DISP1: variants seen among roughly 807,000 people sequenced by gnomAD.
DISP1 encodes the protein dispatched RND transporter family member 1.
A neutral mutation model predicts 37.3 loss-of-function variants in DISP1; 30 were observed. That is an observed-to-expected ratio of 0.80 (90% confidence interval 0.60 to 1.09). The LOEUF is 1.09. DISP1 is among the 50% of genes least tolerant of loss of function. The pLI, the probability that DISP1 is intolerant of heterozygous loss-of-function variation, is 0.00. For missense variants in DISP1, 1,598 were observed against 1,879.5 expected (o/e 0.85, Z 2.77); for synonymous variants, 634 against 690.2 (o/e 0.92, Z 1.28).
chr1:223,001,578 A>G (rs1679446903), intron 8 of DISP1, among the ~76,000 whole-genome samples: 1 of 152,214 alleles, frequency 6.6e-6, no homozygotes, highest in Non-Finnish European at 1.5e-5. Flanking sequence ...TGGGTAATTT[A>G]TAAACAACAA....
chr1:222,834,600 C>G (rs572445249), intron 1 of DISP1, among the ~76,000 whole-genome samples: 1 of 152,164 alleles, frequency 6.6e-6, no homozygotes, highest in Non-Finnish European at 1.5e-5. Flanking sequence ...CATGAAAATT[C>G]AGACTGCTTT....
chr1:222,925,700 C>T (rs1407518735), intron 1 of DISP1, among the ~76,000 whole-genome samples: 1 of 152,074 alleles, frequency 6.6e-6, no homozygotes. Flanking sequence ...CAGTGGTTCT[C>T]AAAATGTGGG....
intron 3 of DISP1, among the ~76,000 whole-genome samples, chr1:222,970,671 A>G (rs760426466): frequency 7.2e-5 from 11 of 152,214 alleles, no homozygotes; most frequent in Non-Finnish European, 1.0e-4. Flanking sequence ...CTTATTTTAC[A>G]GAGGAGACTG....
Position 223,002,971 on chromosome 1 carries a change from T to C in DISP1, c.1574T>C (p.Met525Thr), listed in dbSNP as rs775531279. The C allele has an allele frequency of 1.9e-6, 3 of 1,613,836 alleles. No individual in the cohort carries two copies. The highest frequency in any genetic ancestry group is 2.7e-5 in the African/African-American group (2 of 74,944). The change falls in exon 9 of 9, where the codon ATG (methionine) becomes ACG (threonine). Residue 525 changes from methionine (M) to threonine (T), a missense_variant. Met to Thr is a moderately conservative substitution (Grantham distance 81). Coordinates refer to ENST00000675850, the MANE Select transcript of DISP1 (RefSeq NM_001377229.1). ...LLVMCVYTKS[M>T]FITLMTMFAI... The stretch of plus-strand genomic sequence containing the variant: ...GTTATGTGTGTCTACACCAAGTCCA[T>C]GTTTATCACTCTGATGACAATGTTT...
chr1:222,886,746 C>T (rs2125377752), intron 1 of DISP1, among the ~76,000 whole-genome samples: 1 of 152,280 alleles, frequency 6.6e-6, no homozygotes, highest in Middle Eastern at 3.4e-3. Context: ...TACATAGGGC[C>T]AATGAGTTGA....
chr1:222,944,932 C>T (rs1299157699), intron 3 of DISP1, among the ~76,000 whole-genome samples: 1 of 152,014 alleles, frequency 6.6e-6, no homozygotes, highest in Non-Finnish European at 1.5e-5. Context: ...AATCCCAACA[C>T]TTCGGGAGGT....
intron 1 of DISP1, among the ~76,000 whole-genome samples, chr1:222,905,089 T>C (rs1405137295): frequency 1.3e-5 from 2 of 152,300 alleles, no homozygotes; most frequent in East Asian, 3.9e-4. Context: ...GTAACTATTA[T>C]AAACTGATTT....
intron 1 of DISP1, among the ~76,000 whole-genome samples, chr1:222,897,003 A>C (rs574037754): frequency 6.6e-6 from 1 of 152,362 alleles, no homozygotes; most frequent in South Asian, 2.1e-4. Context: ...CAGTAATTCC[A>C]TACATACATG....
intron 3 of DISP1, among the ~76,000 whole-genome samples, chr1:222,967,773 G>A (rs548868258): frequency 2.6e-4 from 40 of 152,244 alleles, no homozygotes; most frequent in African/African-American, 9.4e-4. Flanking sequence ...AAAGCATACG[G>A]GAGTCTTGGT....
At chr1:222,958,117 A>G (rs1675759795) in intron 3 of DISP1, among the ~76,000 whole-genome samples, 1 of 152,196 alleles carries the variant, frequency 6.6e-6, no homozygotes, top group Admixed American at 6.5e-5. Flanking sequence ...GACATATTTA[A>G]TTATCAGATA....
At chr1:222,856,582 T>C (rs1258590970) in intron 1 of DISP1, among the ~76,000 whole-genome samples, 2 of 152,196 alleles carry the variant, frequency 1.3e-5, no homozygotes, top group Non-Finnish European at 2.9e-5. Flanking sequence ...TGAACCTAAT[T>C]TTTGGAAGTT....
chr1:222,979,504 T>C, intron 3 of DISP1: 1 of 389,110 alleles, frequency 2.6e-6, no homozygotes. Flanking sequence ...CATGGAATTG[T>C]ACACTTAATT....
At chr1:222,900,258 C>T (rs920326296) in intron 1 of DISP1, among the ~76,000 whole-genome samples, 4 of 152,080 alleles carry the variant, frequency 2.6e-5, no homozygotes, top group Non-Finnish European at 4.4e-5. Flanking sequence ...CTAGGGACAA[C>T]GTTTTTAAGC....
At position 222,938,760 on chromosome 1, in the gene DISP1, AAAGG is replaced by A. The variant is rs71564727; in HGVS notation, c.-17-4025_-17-4022del. Among the ~76,000 whole-genome samples the A allele has an allele frequency of 2.1e-3, 223 of 104,602 alleles. 1 individual carries two copies. The highest frequency in any genetic ancestry group is 3.0e-3 in the African/African-American group (83 of 27,400). The allele number at this position is 104,602 out of a possible 152,430, so 68.6% of individuals were successfully genotyped here. A position where few individuals can be genotyped will look rare whatever the true frequency, so the allele number is the denominator to read the frequency against. Reference sequence around the variant, plus strand: ...AAAAAAAAAAAAAAAAAAAAAAAAAAAAGGAAGGAAGGAAGGAAGGAAGGACGGG... The same window carrying A: ...AAAAAAAAAAAAAAAAAAAAAAAAAAAAGGAAGGAAGGAAGGAAGGACGGG... On this transcript the variant is annotated intron_variant, in intron 2 of 8. Transcript: ENST00000675850.
chr1:223,002,809 A>G lies in DISP1; in HGVS notation c.1412A>G (p.Asn471Ser). Residue 471 changes from asparagine to serine, a missense_variant, in exon 9 of 9, where the codon AAC (asparagine) becomes AGC (serine). Transcript: ENST00000675850. ...GESMMNIYLD[N>S]FENWNSSDGV... Reference sequence around the variant, plus strand: ...AGCATGATGAACATTTACTTGGACAACTTTGAAAACTGGAACTCTTCTGAC... The same window carrying G: ...AGCATGATGAACATTTACTTGGACAGCTTTGAAAACTGGAACTCTTCTGAC... 1.2e-6 allele frequency: 2 copies of G among 1,614,120 alleles called. No individual in the cohort carries two copies. The highest frequency in any genetic ancestry group is 1.7e-6 in the Non-Finnish European group (2 of 1,180,030).
chr1:222,892,294 G>C (rs1445988854), intron 1 of DISP1, among the ~76,000 whole-genome samples: 1 of 152,200 alleles, frequency 6.6e-6, no homozygotes, highest in Non-Finnish European at 1.5e-5. Flanking sequence ...TGGGAAGCTG[G>C]AGAGGAACAC....
At position 222,837,855 on chromosome 1, in the gene DISP1, A is replaced by AAACGT. The variant is rs1304446801; in HGVS notation, c.-159+22778_-159+22782dup. Among the ~76,000 whole-genome samples, 5 of 152,190 alleles carry AAACGT rather than the reference A, an allele frequency of 3.3e-5. No homozygotes were observed. In the South Asian group the frequency reaches 8.3e-4, roughly 25 times the overall value. On this transcript the variant is annotated intron_variant, in intron 1 of 8. Transcript: ENST00000675850. Reference sequence around the variant, plus strand: ...CTATTTCTTGTTACTTAATGTTATAAAACGTTGTTTCTCACAAAGGTTAGT... The same window carrying AAACGT: ...CTATTTCTTGTTACTTAATGTTATAAAACGTAACGTTGTTTCTCACAAAGGTTAGT...
chr1:222,997,188 A>G (rs1212421514), intron 8 of DISP1, among the ~76,000 whole-genome samples: 1 of 152,128 alleles, frequency 6.6e-6, no homozygotes, highest in African/African-American at 2.4e-5. Flanking sequence ...AAATACATGA[A>G]GGGAAAACAA....
intron 2 of DISP1, among the ~76,000 whole-genome samples, chr1:222,936,802 A>AAT (rs1274927833): frequency 2.2e-5 from 1 of 45,800 alleles, no homozygotes; most frequent in African/African-American, 7.0e-5. Flanking sequence ...ATAATATATT[A>AAT]TATATATAAA....
Sources: allele counts gnomAD v4.1 joint callset (sites outside exome capture counted in the v4.1 genomes callset), GRCh38; gene constraint gnomAD v4.1.1; transcripts MANE v1.5; gene names NCBI Gene and HGNC (gene_info 2026-07-23, HGNC 2026-07-21).